The following PRSS53 variants were observed in gnomAD, a reference collection of about 807,000 sequenced individuals.
PRSS53 encodes EDTP308.
In PRSS53, 54 loss-of-function variants were observed where a neutral mutation model predicts 62.7. The observed-to-expected ratio is 0.86, with a 90% CI of 0.69 to 1.08. The LOEUF is 1.08. PRSS53 is among the 50% of genes least tolerant of loss of function. The probability of loss-of-function intolerance (pLI) is 0.00; values close to 1 mark genes in which losing one functional copy is unlikely to be tolerated. For missense variants in PRSS53, 688 were observed against 728.3 expected (o/e 0.94, Z 0.64); for synonymous variants, 273 against 300.0 (o/e 0.91, Z 0.93).
rs759678499 is a variant in PRSS53 at position 31,084,935 on chromosome 16, G to A, written c.1124C>T (p.Thr375Ile). The stretch of plus-strand genomic sequence containing the variant: ...CATGTCGTAGCCCCCCTCAGGGTGG[G>A]TGTAGGCTCCATGCAGGATGAGCTG... Residue 375 changes from threonine (T) to isoleucine (I), a missense_variant, in exon 8 of 11, where the codon ACC (threonine) becomes ATC (isoleucine). Coordinates refer to ENST00000280606, the Ensembl canonical transcript of PRSS53. 120 of 1,545,708 alleles carry A rather than the reference G, an allele frequency of 7.8e-5. No individual in the cohort carries two copies. The highest frequency in any genetic ancestry group is 1.0e-4 in the Non-Finnish European group (116 of 1,143,704).
At chr16:31,087,506 G>C (rs777147419) in intron 3 of PRSS53, 31 bp downstream of exon 3, 2 of 1,575,482 alleles carry the variant, frequency 1.3e-6, no homozygotes, top group Non-Finnish European at 1.7e-6. Context: ...CCCAGAGCCG[G>C]AGACCCTGCC....
chr16:31,084,621 A>C (rs1310783712), exon 9 of PRSS53: 3 of 1,607,432 alleles, frequency 1.9e-6, no homozygotes, highest in Admixed American at 3.4e-5. Context: ...TAGGGCTGCC[A>C]TCACCCCCAG....
In PRSS53 at chr16:31,084,790, G is replaced by A. The variant is rs1048582936; in HGVS notation, c.1269C>T (p.Arg423=). Residue 423 remains arginine, a synonymous_variant, in exon 8 of 11, where the codon CGC becomes CGT. Transcript: ENST00000280606. Reference sequence around the variant, plus strand: ...CCTGTGCCCACCTACCTGCTCCTGGGCGGGCCCGTCCCAGAACCCAGCCAC... The same window carrying A: ...CCTGTGCCCACCTACCTGCTCCTGGACGGGCCCGTCCCAGAACCCAGCCAC... 3 of 1,551,456 alleles carry A rather than the reference G, an allele frequency of 1.9e-6. No individual in the cohort carries two copies. In the African/African-American group the frequency reaches 4.1e-5, roughly 21 times the overall value.
exon 3 of PRSS53, chr16:31,087,633 G>A (rs1445025410): frequency 6.2e-7 from 1 of 1,610,584 alleles, no homozygotes; most frequent in Non-Finnish European, 8.5e-7. Context: ...GGCCTGCCAG[G>A]GCCACTCGCC....
exon 7 of PRSS53, chr16:31,085,218 G>A (rs762451275): frequency 6.2e-7 from 1 of 1,602,174 alleles, no homozygotes; most frequent in Admixed American, 1.7e-5. Flanking sequence ...CCATGGGGAG[G>A]GTGCTCCTGC....
At chr16:31,087,991 T>G in intron 1 of PRSS53, 165 bp from the exon 2 acceptor site, 1 of 1,516,018 alleles carries the variant, frequency 6.6e-7, no homozygotes, top group East Asian at 2.5e-5. Context: ...CCGAGACAGC[T>G]TTTATTGGAA....
At chr16:31,084,576 A>G in exon 9 of PRSS53, 1 of 1,606,020 alleles carries the variant, frequency 6.2e-7, no homozygotes, top group Non-Finnish European at 8.5e-7. Flanking sequence ...TGGGCAGCTC[A>G]CCCACAGCAC....
intron 10 of PRSS53, 132 bp from the exon 11 acceptor site, chr16:31,083,941 G>A: frequency 1.3e-6 from 2 of 1,528,706 alleles, no homozygotes; most frequent in Non-Finnish European, 1.8e-6. Context: ...GCTCAAAGCG[G>A]TTGAGCAGCC....
rs1372780064 is a variant in PRSS53 at position 31,088,901 on chromosome 16, T to C, written c.-92A>G. 1.5e-5 allele frequency: 23 copies of C among 1,570,224 alleles called. No homozygotes were observed. The East Asian group carries it at 5.4e-4, about 37-fold the overall frequency. ...CACCTCTGCTCCACCTCCAGTTGGC[T>C]AGGATTCAGCTGTCTGCTTGCCCTA... On this transcript the variant is annotated 5_prime_UTR_variant, in exon 1 of 11. Coordinates refer to ENST00000280606, the Ensembl canonical transcript of PRSS53.
rs966393817 is a variant in PRSS53 at position 31,085,316 on chromosome 16, C to G, written c.884-56G>C. ...TTGCTAAGCACTTCCCACTTCCCATCAAATCCTCACAGTAGCTTTTGAAAT... is the reference window on the plus strand; with the variant it reads ...TTGCTAAGCACTTCCCACTTCCCATGAAATCCTCACAGTAGCTTTTGAAAT... On this transcript the variant is annotated intron_variant, in intron 6 of 10. Transcript: ENST00000280606. The G allele has an allele frequency of 2.7e-6, 4 of 1,466,230 alleles. No homozygotes were observed. In the South Asian group the frequency reaches 4.3e-5, roughly 16 times the overall value. 90.8% of individuals were successfully genotyped at this position (1,466,230 alleles called of 1,614,324 possible).
At chr16:31,086,795 A>G (rs1354454284) in exon 4 of PRSS53, 4 of 1,613,416 alleles carry the variant, frequency 2.5e-6, no homozygotes, top group Non-Finnish European at 2.5e-6. Flanking sequence ...GCCCTGGGCA[A>G]CTGCAGGGCA....
intron 6 of PRSS53, 129 bp downstream of exon 6, chr16:31,085,835 C>G: frequency 1.2e-6 from 1 of 816,134 alleles, no homozygotes; most frequent in Non-Finnish European, 2.0e-6. Flanking sequence ...CAGGGCTGTT[C>G]CCATCCCAGG....
At chr16:31,086,471 G>C in exon 5 of PRSS53, 1 of 1,613,672 alleles carries the variant, frequency 6.2e-7, no homozygotes, top group Non-Finnish European at 8.5e-7. Flanking sequence ...CGCAGGCGCA[G>C]ATTGCGTAGG....
chr16:31,083,893 G>T lies in PRSS53; in HGVS notation c.1643-84C>A. The T allele has an allele frequency of 3.7e-6, 6 of 1,602,970 alleles. No individual in the cohort carries two copies. In the South Asian group the frequency reaches 6.7e-5, roughly 18 times the overall value. Reference sequence around the variant, plus strand: ...CCCTCCCCATTCCTCGAAGGAACAGGGTCTGTCTTGGCCGCCATGACAGAT... The same window carrying T: ...CCCTCCCCATTCCTCGAAGGAACAGTGTCTGTCTTGGCCGCCATGACAGAT... On this transcript the variant is annotated intron_variant, in intron 10 of 10. Coordinates refer to ENST00000280606, the Ensembl canonical transcript of PRSS53.
In PRSS53 at chr16:31,088,544, G is replaced by A. The variant is rs759238361; in HGVS notation, c.58+208C>T. ...ACACAAGACCACAGGCCCCGCCAAC[G>A]CAAACTGCAGCTGGCCCGAGAAAAT... On this transcript the variant is annotated intron_variant, in intron 1 of 10. Transcript: ENST00000280606. 132 of 1,428,208 alleles carry A rather than the reference G, an allele frequency of 9.2e-5. 1 individual carries two copies. Among genetic ancestry groups the A allele is most frequent in the Admixed American group, 1.9e-4 (7 of 37,050 alleles). 88.5% of individuals were successfully genotyped at this position (1,428,208 alleles called of 1,614,324 possible).
chr16:31,086,068 T>A (rs1334360162), exon 6 of PRSS53: 1 of 1,613,876 alleles, frequency 6.2e-7, no homozygotes, highest in Admixed American at 1.7e-5. Flanking sequence ...AGCAGCTGTG[T>A]TGGTCAGCAG....
chr16:31,088,567 A>T, intron 1 of PRSS53, 185 bp downstream of exon 1: 1 of 1,435,026 alleles, frequency 7.0e-7, no homozygotes, highest in Non-Finnish European at 9.1e-7. Context: ...GGCCCGAGAA[A>T]ATCTCATCCA....
chr16:31,084,130 A>T (rs921177528), exon 10 of PRSS53: 1 of 1,580,146 alleles, frequency 6.3e-7, no homozygotes, highest in Non-Finnish European at 8.6e-7. Context: ...TATGTTGGCC[A>T]GGCAGCTTCC....
Position 31,086,290 on chromosome 16 carries a change from A to G in PRSS53, c.663+47T>C, listed in dbSNP as rs1272922327. 3 of 1,584,384 alleles carry G rather than the reference A, an allele frequency of 1.9e-6. No homozygotes were observed. In the African/African-American group the frequency reaches 4.0e-5, roughly 21 times the overall value. On this transcript the variant is annotated intron_variant, in intron 5 of 10. Transcript: ENST00000280606. ...GTCCTGTGAGTCCAACCCCCAGCCC[A>G]GGGTTAGGCCCCTCCCCTTCTGCTC...
Sources: allele counts gnomAD v4.1 joint callset, GRCh38; gene constraint gnomAD v4.1.1; transcripts MANE v1.5; gene names NCBI Gene and HGNC (gene_info 2026-07-23, HGNC 2026-07-21).